The following NDRG3 variants were observed in gnomAD, a reference collection of about 807,000 sequenced individuals.
NDRG3 encodes protein NDRG3.
Under a neutral mutation model 57.2 loss-of-function variants are expected in NDRG3, and 23 were observed. The ratio of observed to expected loss-of-function variants is 0.40; its 90% confidence interval spans 0.29 to 0.57. NDRG3 has a LOEUF of 0.57. Ranked by LOEUF, NDRG3 falls within the 20% of genes least tolerant of loss-of-function variation. NDRG3 has a pLI of 0.42. For synonymous variants in NDRG3, 132 were observed against 162.6 expected (o/e 0.81, Z 1.43); for missense variants, 384 against 457.3 (o/e 0.84, Z 1.46).
intron 12 of NDRG3, among the ~76,000 whole-genome samples, chr20:36,661,383 A>G (rs1465476525): frequency 6.6e-6 from 1 of 152,190 alleles, no homozygotes; most frequent in Non-Finnish European, 1.5e-5. Context: ...GGCTATTTTG[A>G]TCAACTGGAT....
chr20:36,731,018 G>C (rs532833725), intron 1 of NDRG3, among the ~76,000 whole-genome samples: 1 of 152,192 alleles, frequency 6.6e-6, no homozygotes, highest in South Asian at 2.1e-4. Context: ...TTTTCAGTTG[G>C]GGAGATAAAA....
At position 36,656,288 on chromosome 20, in the gene NDRG3, GGGCTCCCAGATGTGAAACT is replaced by G; in HGVS notation, c.946+53_946+71del. On this transcript the variant is annotated intron_variant, in intron 15 of 15. Transcript: ENST00000349004. The stretch of plus-strand genomic sequence containing the variant: ...ACAGAGGTTATATCTCAAGAATTGT[GGGCTCCCAGATGTGAAACT>G]GGCTCCCAATATTCCTAAATCGTTG... 3 of 1,451,702 alleles carry G rather than the reference GGGCTCCCAGATGTGAAACT, an allele frequency of 2.1e-6. No homozygotes were observed. In the South Asian group the frequency reaches 3.6e-5, roughly 17 times the overall value. 89.9% of individuals were successfully genotyped at this position (1,451,702 alleles called of 1,614,324 possible). A position where few individuals can be genotyped will look rare whatever the true frequency, so the allele number is the denominator to read the frequency against.
At position 36,665,107 on chromosome 20, in the gene NDRG3, C is replaced by A. The variant is rs753515756; in HGVS notation, c.759-10G>T. On this transcript the variant is annotated splice_polypyrimidine_tract_variant and intron_variant, in intron 11 of 15. Transcript: ENST00000349004. ...CAGTAAAGTAGAACACCTAGGTAGG[C>A]AAAGTAAGAGGTGTCACTCAGCAAA... The A allele has an allele frequency of 2.5e-6, 4 of 1,613,978 alleles. No individual in the cohort carries two copies. The highest frequency in any genetic ancestry group is 3.4e-6 in the Non-Finnish European group (4 of 1,179,860).
intron 1 of NDRG3, among the ~76,000 whole-genome samples, chr20:36,739,558 A>G (rs1423513899): frequency 6.6e-6 from 1 of 151,820 alleles, no homozygotes. Flanking sequence ...CTGTAATCCC[A>G]GCAGTTTGGG....
At chr20:36,692,706 G>A (rs1020521406) in intron 3 of NDRG3, among the ~76,000 whole-genome samples, 1 of 151,922 alleles carries the variant, frequency 6.6e-6, no homozygotes, top group African/African-American at 2.4e-5. Context: ...GTATGTATTT[G>A]TAAATTCTGA....
At chr20:36,740,167 G>A (rs945774348) in intron 1 of NDRG3, among the ~76,000 whole-genome samples, 2 of 152,112 alleles carry the variant, frequency 1.3e-5, no homozygotes, top group Non-Finnish European at 2.9e-5. Context: ...ATAAAAAGTG[G>A]CATCTCCACA....
intron 12 of NDRG3, among the ~76,000 whole-genome samples, chr20:36,664,200 A>C (rs76385892): frequency 0.021 from 3,173 of 152,278 alleles, 103 homozygotes; most frequent in African/African-American, 0.073. Flanking sequence ...ATATAATGGA[A>C]AAATGCTATC....
chr20:36,656,352 C>A lies in NDRG3; in HGVS notation c.946+8G>T. 1 of 1,613,740 alleles carries A rather than the reference C, an allele frequency of 6.2e-7. No individual in the cohort carries two copies. The highest frequency in any genetic ancestry group is 8.5e-7 in the Non-Finnish European group (1 of 1,179,768). On this transcript the variant is annotated splice_region_variant and intron_variant, in intron 15 of 15. Coordinates refer to ENST00000349004, the MANE Select transcript of NDRG3 (RefSeq NM_032013.4). ...TCGTTGCTAGATAGAAAGTTGTGTACTACTCACTGTAGCCCATTCCCTGCA... is the reference window on the plus strand; with the variant it reads ...TCGTTGCTAGATAGAAAGTTGTGTAATACTCACTGTAGCCCATTCCCTGCA...
chr20:36,658,319 A>G (rs990534959), intron 13 of NDRG3, among the ~76,000 whole-genome samples: 1 of 152,046 alleles, frequency 6.6e-6, no homozygotes, highest in Non-Finnish European at 1.5e-5. Flanking sequence ...TTTAGTAGAG[A>G]TGAGGTTTCA....
At chr20:36,728,274 G>A (rs976260171) in intron 1 of NDRG3, among the ~76,000 whole-genome samples, 15 of 151,914 alleles carry the variant, frequency 9.9e-5, no homozygotes, top group Non-Finnish European at 2.9e-5. Flanking sequence ...GGATGGTCTC[G>A]ATCTCCTGAC....
At chr20:36,676,097 G>A (rs1980677540) in intron 8 of NDRG3, among the ~76,000 whole-genome samples, 1 of 151,846 alleles carries the variant, frequency 6.6e-6, no homozygotes, top group South Asian at 2.1e-4. Flanking sequence ...AAAATTAGCC[G>A]GGCTTGGTGG....
intron 8 of NDRG3, among the ~76,000 whole-genome samples, chr20:36,673,052 C>T (rs780027617): frequency 4.6e-5 from 7 of 151,978 alleles, no homozygotes; most frequent in African/African-American, 9.7e-5. Flanking sequence ...TTTGTAGAGA[C>T]GAGGTCTCAC....
chr20:36,653,910 C>T lies in NDRG3; in HGVS notation c.947-209G>A, dbSNP rs1176553239. Among the ~76,000 whole-genome samples the T allele has an allele frequency of 6.6e-6, 1 of 152,182 alleles. No homozygotes were observed. Among genetic ancestry groups the T allele is most frequent in the Non-Finnish European group, 1.5e-5 (1 of 68,036 alleles). On this transcript the variant is annotated intron_variant, in intron 15 of 15. Transcript: ENST00000349004. The surrounding 1 kb of genome is among the most constrained non-coding windows in gnomAD (Gnocchi z 4.2). Reference sequence around the variant, plus strand: ...TTAATCCTTTAGATCTGGTTGGAATCTCAGCTGATTGTAGTCACCGCAGAA... The same window carrying T: ...TTAATCCTTTAGATCTGGTTGGAATTTCAGCTGATTGTAGTCACCGCAGAA...
Position 36,665,216 on chromosome 20 carries a change from G to A in NDRG3, c.758+20C>T, listed in dbSNP as rs747123562. 39 of 1,613,442 alleles carry A rather than the reference G, an allele frequency of 2.4e-5. No homozygotes were observed. The East Asian group carries it at 8.0e-4, about 33-fold the overall frequency. ...TTAGTCTATATTTGGCAAGTCAGCT[G>A]AGGAAACTGAGGAACTTACTTTAAT... is the stretch of plus-strand genomic sequence containing the variant. On this transcript the variant is annotated intron_variant, in intron 11 of 15. Coordinates refer to ENST00000349004, the MANE Select transcript of NDRG3 (RefSeq NM_032013.4).
chr20:36,676,960 A>G (rs1289444053), intron 8 of NDRG3, among the ~76,000 whole-genome samples: 1 of 152,172 alleles, frequency 6.6e-6, no homozygotes, highest in African/African-American at 2.4e-5. Flanking sequence ...GGGCAGGGCT[A>G]CAGCCGCCCA....
At position 36,725,367 on chromosome 20, in the gene NDRG3, T is replaced by C. The variant is rs531511523; in HGVS notation, c.-48-3584A>G. ...GCTCACGCCTGTAATCCCAGCACGCTGGGAGGCCAAGGTGGGTGGATCACC... is the reference window on the plus strand; with the variant it reads ...GCTCACGCCTGTAATCCCAGCACGCCGGGAGGCCAAGGTGGGTGGATCACC... On this transcript the variant is annotated intron_variant, in intron 1 of 15. Coordinates refer to ENST00000349004, the MANE Select transcript of NDRG3 (RefSeq NM_032013.4). 8.6e-5 allele frequency among the ~76,000 whole-genome samples: 13 copies of C among 152,024 alleles called. No individual in the cohort carries two copies. In the East Asian group the frequency reaches 2.5e-3, roughly 29 times the overall value.
chr20:36,699,740 T>G (rs1253246833), intron 3 of NDRG3, among the ~76,000 whole-genome samples: 2 of 151,532 alleles, frequency 1.3e-5, no homozygotes, highest in African/African-American at 2.4e-5. Context: ...TGGATGGGGA[T>G]GAGACAGTGA....
At chr20:36,662,115 C>A (rs1979253495) in intron 12 of NDRG3, among the ~76,000 whole-genome samples, 1 of 152,150 alleles carries the variant, frequency 6.6e-6, no homozygotes, top group Non-Finnish European at 1.5e-5. Flanking sequence ...ACTCTCAAAT[C>A]TGGATTTAAC....
chr20:36,709,541 T>C (rs1983748010), intron 2 of NDRG3, among the ~76,000 whole-genome samples: 1 of 152,218 alleles, frequency 6.6e-6, no homozygotes, highest in South Asian at 2.1e-4. Context: ...TAAGATACTG[T>C]GCAGATGGGA....
Sources: gnomAD v4.1 joint callset for allele counts (sites outside exome capture counted in the v4.1 genomes callset) on GRCh38, gnomAD v4.1.1 for gene constraint, Gnocchi (gnomAD v3.1) non-coding constraint, MANE v1.5 for transcripts, NCBI Gene and HGNC (gene_info 2026-07-23, HGNC 2026-07-21) for gene names.